EPHB1: variants seen among roughly 807,000 people sequenced by gnomAD.
The protein encoded by EPHB1 is ephrin type-B receptor 1.
EPHB1 carries 30 observed loss-of-function variants against 94.4 expected under a neutral mutation model. The ratio of observed to expected loss-of-function variants is 0.32; its 90% CI spans 0.24 to 0.43. The LOEUF (loss-of-function observed/expected upper bound fraction) is 0.43, where lower values mean the gene tolerates loss of function less well. Among genes scored for constraint, EPHB1 ranks in the 20% least tolerant of loss-of-function variants. The pLI, the probability that EPHB1 is intolerant of heterozygous loss-of-function variation, is 1.00. For missense variants in EPHB1, 1,055 were observed against 1,308.3 expected (o/e 0.81, Z 2.99); for synonymous variants, 522 against 489.1 (o/e 1.07, Z -0.89).
intron 1 of EPHB1, among the ~76,000 whole-genome samples, chr3:134,838,460 T>G (rs1325553231): frequency 6.6e-6 from 1 of 152,154 alleles, no homozygotes; most frequent in Non-Finnish European, 1.5e-5. Context: ...TCTTAGGACA[T>G]CTCCCAAATG....
intron 1 of EPHB1, among the ~76,000 whole-genome samples, chr3:134,841,211 G>A (rs867520373): frequency 4.5e-4 from 68 of 152,280 alleles, no homozygotes; most frequent in African/African-American, 1.5e-3. Flanking sequence ...AAGCTCTGAT[G>A]TGGGTGGCAG....
intron 4 of EPHB1, among the ~76,000 whole-genome samples, chr3:135,111,473 G>C (rs986797163): frequency 6.6e-6 from 1 of 152,064 alleles, no homozygotes; most frequent in African/African-American, 2.4e-5. Context: ...GAACCACAGG[G>C]CCTTCCCCTC....
chr3:134,821,759 A>G (rs2036384989), intron 1 of EPHB1, among the ~76,000 whole-genome samples: 1 of 152,216 alleles, frequency 6.6e-6, no homozygotes, highest in Non-Finnish European at 1.5e-5. Flanking sequence ...GATCTAATAC[A>G]AACAGAAACG....
chr3:135,239,618 A>G (rs1228608276), intron 12 of EPHB1, among the ~76,000 whole-genome samples: 1 of 152,190 alleles, frequency 6.6e-6, no homozygotes, highest in Non-Finnish European at 1.5e-5. Context: ...ATAGGGAGTG[A>G]TGAGCTTTTG....
chr3:134,825,027 T>G (rs550961272), intron 1 of EPHB1, among the ~76,000 whole-genome samples: 1 of 152,266 alleles, frequency 6.6e-6, no homozygotes, highest in Non-Finnish European at 1.5e-5. Flanking sequence ...AAAACATTAC[T>G]GTCTCAAGCC....
At chr3:134,799,979 A>G (rs944577748) in intron 1 of EPHB1, among the ~76,000 whole-genome samples, 2 of 152,168 alleles carry the variant, frequency 1.3e-5, no homozygotes, top group Non-Finnish European at 2.9e-5. Context: ...TAGAAACTAC[A>G]TGTTCTTTAG....
chr3:135,180,726 G>A (rs756172227), intron 10 of EPHB1, among the ~76,000 whole-genome samples: 1 of 152,082 alleles, frequency 6.6e-6, no homozygotes, highest in Non-Finnish European at 1.5e-5. Context: ...ATTTGGCAAT[G>A]GACCTAGACT....
At chr3:135,017,541 C>T (rs1168585185) in intron 3 of EPHB1, among the ~76,000 whole-genome samples, 1 of 152,178 alleles carries the variant, frequency 6.6e-6, no homozygotes, top group African/African-American at 2.4e-5. Context: ...GGTGTCCCAG[C>T]ACCTGCTTCC....
chr3:135,063,457 A>C (rs540729737), intron 3 of EPHB1, among the ~76,000 whole-genome samples: 1 of 141,128 alleles, frequency 7.1e-6, no homozygotes, highest in African/African-American at 2.6e-5. Context: ...AGCTATTGTA[A>C]AAGGGATTGA....
At chr3:135,244,248 A>G (rs1943866336) in intron 13 of EPHB1, among the ~76,000 whole-genome samples, 1 of 152,216 alleles carries the variant, frequency 6.6e-6, no homozygotes. Context: ...CTCTTTAATT[A>G]GATCCCAGGA....
At chr3:134,872,854 G>A (rs762855982) in intron 1 of EPHB1, among the ~76,000 whole-genome samples, 3 of 152,114 alleles carry the variant, frequency 2.0e-5, no homozygotes, top group Non-Finnish European at 2.9e-5. Context: ...TATTTTTCCC[G>A]GTATCCCTTG....
intron 13 of EPHB1, among the ~76,000 whole-genome samples, chr3:135,242,202 T>A (rs1413868543): frequency 2.6e-5 from 4 of 152,178 alleles, no homozygotes; most frequent in African/African-American, 7.2e-5. Context: ...CCGTTGGAGC[T>A]GAGAGGATTA....
chr3:134,975,181 A>G (rs952747046), intron 3 of EPHB1, among the ~76,000 whole-genome samples: 7 of 152,166 alleles, frequency 4.6e-5, no homozygotes, highest in Admixed American at 2.0e-4. Flanking sequence ...ACTTTGTTCT[A>G]TTGAGTTAGG....
chr3:134,954,325 G>T (rs764844569), intron 3 of EPHB1, among the ~76,000 whole-genome samples: 2 of 152,192 alleles, frequency 1.3e-5, no homozygotes, highest in Non-Finnish European at 2.9e-5. Context: ...CTTTGGTGGG[G>T]GGTGGGAAGT....
At chr3:135,216,650 G>T (rs1261080171) in intron 12 of EPHB1, among the ~76,000 whole-genome samples, 1 of 146,356 alleles carries the variant, frequency 6.8e-6, no homozygotes. Flanking sequence ...TTGAACCCAG[G>T]AGATAGAGGT....
intron 12 of EPHB1, among the ~76,000 whole-genome samples, chr3:135,204,063 A>G (rs893197274): frequency 1.3e-5 from 2 of 152,220 alleles, no homozygotes; most frequent in Non-Finnish European, 2.9e-5. Context: ...TATAGGGTAC[A>G]TGAGATGTTT....
At chr3:135,024,918 T>A (rs1023417282) in intron 3 of EPHB1, among the ~76,000 whole-genome samples, 1 of 152,006 alleles carries the variant, frequency 6.6e-6, no homozygotes, top group Non-Finnish European at 1.5e-5. Context: ...TCTTCTTCTC[T>A]TATTTTGCTA....
intron 11 of EPHB1, among the ~76,000 whole-genome samples, chr3:135,195,569 G>A (rs1216107099): frequency 6.7e-6 from 1 of 149,564 alleles, no homozygotes; most frequent in East Asian, 2.0e-4. Flanking sequence ...CCACCTATGA[G>A]TGAGAATATG....
intron 11 of EPHB1, 77 bp from the exon 12 acceptor site, chr3:135,201,397 C>A: frequency 6.9e-7 from 1 of 1,459,144 alleles, no homozygotes; most frequent in Non-Finnish European, 9.5e-7. Context: ...TGACAAGCAG[C>A]AGGGCCACAA....
Sources: allele counts gnomAD v4.1 joint callset (sites outside exome capture counted in the v4.1 genomes callset), GRCh38; gene constraint gnomAD v4.1.1; transcripts MANE v1.5; gene names NCBI Gene and HGNC (gene_info 2026-07-23, HGNC 2026-07-21).